TRAF3IP1: variants seen among roughly 807,000 people sequenced by gnomAD.
The protein encoded by TRAF3IP1 is intraflagellar transport 54, also known as TRAF3-interacting protein 1.
In TRAF3IP1, 53 loss-of-function variants were observed where a neutral mutation model predicts 89.9. The ratio of observed to expected loss-of-function variants is 0.59; its 90% CI spans 0.47 to 0.74. The LOEUF is 0.74. Among genes scored for constraint, TRAF3IP1 ranks in the 30% least tolerant of loss-of-function variants. TRAF3IP1 has a pLI of 0.00. For synonymous variants in TRAF3IP1, 311 were observed against 322.1 expected, an observed-to-expected ratio of 0.97 and a Z score of 0.37; for missense variants, 806 against 866.1, an observed-to-expected ratio of 0.93 and a Z score of 0.87.
intron 15 of TRAF3IP1, among the ~76,000 whole-genome samples, chr2:238,358,759 A>G (rs1291274647): frequency 6.6e-6 from 1 of 152,114 alleles, no homozygotes; most frequent in Non-Finnish European, 1.5e-5. Context: ...GATGTAGTTT[A>G]TTCATTTTAA....
chr2:238,399,085 A>G lies in TRAF3IP1; in HGVS notation c.*166A>G. Reference sequence around the variant, plus strand: ...TTAAAACTGTAAGCATGTTAAGTGTATTAAAAAAACCATGTTTTCTTACCT... The same window carrying G: ...TTAAAACTGTAAGCATGTTAAGTGTGTTAAAAAAACCATGTTTTCTTACCT... On this transcript the variant is annotated 3_prime_UTR_variant, in exon 17 of 17. Transcript: ENST00000373327. 3.2e-6 allele frequency: 2 copies of G among 623,230 alleles called. No individual in the cohort carries two copies. The highest frequency in any genetic ancestry group is 2.6e-6 in the Non-Finnish European group (1 of 387,654). The allele number at this position is 623,230 out of a possible 1,614,324, so 38.6% of individuals were successfully genotyped here.
chr2:238,347,451 T>G lies in TRAF3IP1; in HGVS notation c.1262-4T>G. ...GCTAATTTTCTGATGTGCTTTTTCT[T>G]TAGGTGACTCCACCAGTGATGCAGG... On this transcript the variant is annotated splice_polypyrimidine_tract_variant and splice_region_variant and intron_variant, in intron 9 of 16. Transcript: ENST00000373327. 6.2e-7 allele frequency: 1 copy of G among 1,614,146 alleles called. No homozygotes were observed. The highest frequency in any genetic ancestry group is 8.5e-7 in the Non-Finnish European group (1 of 1,180,016).
chr2:238,334,078 G>GTTTTTTTTTT (rs5839695), intron 7 of TRAF3IP1, 43 bp downstream of exon 7: 4 of 1,089,730 alleles, frequency 3.7e-6, no homozygotes, highest in Non-Finnish European at 2.6e-6. Context: ...ATGGATATTA[G>GTTTTTTTTTT]TTTTTTTTTT....
chr2:238,346,907 A>G (rs1171597596), intron 9 of TRAF3IP1, among the ~76,000 whole-genome samples: 1 of 152,202 alleles, frequency 6.6e-6, no homozygotes, highest in Non-Finnish European at 1.5e-5. Context: ...ATTTGTCCTC[A>G]AGACAACACT....
At chr2:238,363,930 A>G (rs1227981449) in intron 15 of TRAF3IP1, among the ~76,000 whole-genome samples, 1 of 152,208 alleles carries the variant, frequency 6.6e-6, no homozygotes, top group East Asian at 1.9e-4. Context: ...ACTGCATTCC[A>G]GCCTGGGCAA....
At chr2:238,339,145 C>T (rs1353472029) in intron 8 of TRAF3IP1, among the ~76,000 whole-genome samples, 5 of 152,192 alleles carry the variant, frequency 3.3e-5, no homozygotes, top group African/African-American at 9.7e-5. Flanking sequence ...GCTGGAATAC[C>T]GATCAGCACA....
chr2:238,399,008 G>C lies in TRAF3IP1; in HGVS notation c.*89G>C, dbSNP rs1353606645. On this transcript the variant is annotated 3_prime_UTR_variant, in exon 17 of 17. Transcript: ENST00000373327. Reference sequence around the variant, plus strand: ...TCATTACTCTTTTAAGTTCCAGTTTGCTAAGAAAATGAACAGTTTACAATG... The same window carrying C: ...TCATTACTCTTTTAAGTTCCAGTTTCCTAAGAAAATGAACAGTTTACAATG... The C allele has an allele frequency of 5.6e-6, 7 of 1,240,588 alleles. No individual in the cohort carries two copies. In the Admixed American group the frequency reaches 7.7e-5, roughly 14 times the overall value. The allele number at this position is 1,240,588 out of a possible 1,614,324, so 76.8% of individuals were successfully genotyped here.
At chr2:238,337,353 G>C (rs1698432642) in intron 7 of TRAF3IP1, among the ~76,000 whole-genome samples, 1 of 152,164 alleles carries the variant, frequency 6.6e-6, no homozygotes, top group Non-Finnish European at 1.5e-5. Context: ...GGTGAGGTGG[G>C]TGGAGAGAGG....
At chr2:238,394,476 C>T (rs12466642) in intron 15 of TRAF3IP1, among the ~76,000 whole-genome samples, 38,535 of 152,080 alleles carry the variant, frequency 0.25, 5,907 homozygotes, top group Middle Eastern at 0.45. Context: ...TGCATTGTTT[C>T]GTTTTCCATT....
chr2:238,339,062 T>C (rs1166082342), intron 8 of TRAF3IP1, among the ~76,000 whole-genome samples: 1 of 152,184 alleles, frequency 6.6e-6, no homozygotes, highest in Non-Finnish European at 1.5e-5. Context: ...AATTAGACTT[T>C]AGGGGAAGAG....
intron 15 of TRAF3IP1, among the ~76,000 whole-genome samples, chr2:238,372,318 C>T (rs562274110): frequency 6.6e-6 from 1 of 152,130 alleles, no homozygotes; most frequent in African/African-American, 2.4e-5. Context: ...GTGTGATGTT[C>T]CCTGCCCTGT....
intron 15 of TRAF3IP1, among the ~76,000 whole-genome samples, chr2:238,386,831 G>A (rs1171917546): frequency 1.3e-5 from 2 of 151,838 alleles, no homozygotes; most frequent in East Asian, 1.9e-4. Context: ...GCTCACTTAC[G>A]CTGGCTTAAC....
intron 2 of TRAF3IP1, 97 bp from the exon 3 acceptor site, chr2:238,325,712 G>T: frequency 8.1e-7 from 1 of 1,240,378 alleles, no homozygotes; most frequent in Non-Finnish European, 1.1e-6. Context: ...AGCTTTGTAT[G>T]TAAACAGAAA....
chr2:238,341,551 A>ATTTTT (rs1559364603), intron 8 of TRAF3IP1, among the ~76,000 whole-genome samples: 5 of 122,388 alleles, frequency 4.1e-5, no homozygotes, highest in African/African-American at 1.6e-4. Context: ...TTTTTTAAAA[A>ATTTTT]AAAAACACTG....
chr2:238,328,743 G>T lies in TRAF3IP1; in HGVS notation c.412G>T (p.Gly138Cys). The T allele has an allele frequency of 6.2e-7, 1 of 1,614,056 alleles. No homozygotes were observed. Among genetic ancestry groups the T allele is most frequent in the Non-Finnish European group, 8.5e-7 (1 of 1,179,992 alleles). The change falls in exon 4 of 17, where the codon GGC becomes TGC. Residue 138 changes from glycine to cysteine, a missense_variant. Coordinates refer to ENST00000373327, the MANE Select transcript of TRAF3IP1 (RefSeq NM_015650.4). ...AGCTGGAGAGAAGGGAGAAGTGAAA[G>T]GCCGGGCCTCACTGACCTCAAGATC... is the stretch of plus-strand genomic sequence containing the variant. ...VLAGEKGEVK[G>C]RASLTSRSQE...
chr2:238,382,931 C>A (rs1700607519), intron 15 of TRAF3IP1, among the ~76,000 whole-genome samples: 1 of 152,176 alleles, frequency 6.6e-6, no homozygotes, highest in Non-Finnish European at 1.5e-5. Context: ...AAACTTTGAT[C>A]TCATTAGGTT....
At chr2:238,388,772 G>A (rs939740352) in intron 15 of TRAF3IP1, among the ~76,000 whole-genome samples, 1 of 151,674 alleles carries the variant, frequency 6.6e-6, no homozygotes, top group African/African-American at 2.4e-5. Context: ...CTCCTAGGTA[G>A]CCAGGACCAC....
intron 15 of TRAF3IP1, among the ~76,000 whole-genome samples, chr2:238,376,977 C>G (rs956559930): frequency 3.3e-5 from 5 of 152,102 alleles, no homozygotes; most frequent in Non-Finnish European, 7.3e-5. Context: ...AGGAACGTGT[C>G]CGGGGCCGTA....
Position 238,351,759 on chromosome 2 carries a change from A to C in TRAF3IP1, c.1452-1068A>C, listed in dbSNP as rs377552292. Among the ~76,000 whole-genome samples, 1 of 151,330 alleles carries C rather than the reference A, an allele frequency of 6.6e-6. No individual in the cohort carries two copies. Among genetic ancestry groups the C allele is most frequent in the Non-Finnish European group, 1.5e-5 (1 of 67,850 alleles). ...GAGGATGTTTGGGGCAATGGGTGTTATTTTCAGAGGTCGTTCCCAAGTGTC... is the reference window on the plus strand; with the variant it reads ...GAGGATGTTTGGGGCAATGGGTGTTCTTTTCAGAGGTCGTTCCCAAGTGTC... On this transcript the variant is annotated intron_variant, in intron 12 of 16. Transcript: ENST00000373327. This position sits in a 1 kb window ranked among gnomAD's most constrained non-coding sequence, Gnocchi z 5.2.
Sources: gnomAD v4.1 joint callset for allele counts (sites outside exome capture counted in the v4.1 genomes callset) on GRCh38, gnomAD v4.1.1 for gene constraint, Gnocchi (gnomAD v3.1) non-coding constraint, MANE v1.5 for transcripts, NCBI Gene and HGNC (gene_info 2026-07-23, HGNC 2026-07-21) for gene names.